LUZP2: variants seen among roughly 807,000 people sequenced by gnomAD.
The protein encoded by LUZP2 is leucine zipper protein 2.
In LUZP2, 52 loss-of-function variants were observed where a neutral mutation model predicts 51.6. The observed-to-expected ratio is 1.01, with a 90% CI of 0.81 to 1.27. The LOEUF (loss-of-function observed/expected upper bound fraction) is 1.27. LUZP2 is among the 50% of genes most tolerant of loss of function. The pLI, the probability that LUZP2 is intolerant of heterozygous loss-of-function variation, is 0.00. For synonymous variants in LUZP2, 154 were observed against 137.3 expected (o/e 1.12, Z -0.85); for missense variants, 436 against 395.4 (o/e 1.10, Z -0.87).
intron 9 of LUZP2, among the ~76,000 whole-genome samples, chr11:25,015,142 C>T (rs80304670): frequency 0.018 from 2,808 of 151,974 alleles, 91 homozygotes; most frequent in African/African-American, 0.064. Context: ...TGAGTAGTTG[C>T]GATTTATTTA....
At chr11:24,777,102 C>G (rs973890927) in intron 5 of LUZP2, among the ~76,000 whole-genome samples, 1 of 150,862 alleles carries the variant, frequency 6.6e-6, no homozygotes, top group Admixed American at 6.6e-5. Context: ...TCATGCCATT[C>G]TCCTGCCTCA....
chr11:25,045,577 C>T (rs1858281179), intron 9 of LUZP2, among the ~76,000 whole-genome samples: 1 of 152,098 alleles, frequency 6.6e-6, no homozygotes. Context: ...AATCTGGGCA[C>T]ATTTTAATAA....
At chr11:24,606,686 T>A (rs187867556) in intron 1 of LUZP2, among the ~76,000 whole-genome samples, 47 of 152,178 alleles carry the variant, frequency 3.1e-4, no homozygotes, top group African/African-American at 1.1e-3. Context: ...AGATGCCACA[T>A]CATATAATAG....
At chr11:24,858,566 G>T (rs964504827) in intron 5 of LUZP2, among the ~76,000 whole-genome samples, 4 of 152,092 alleles carry the variant, frequency 2.6e-5, no homozygotes, top group African/African-American at 9.7e-5. Context: ...CTCAGCAGGA[G>T]CATTTGGGAC....
intron 1 of LUZP2, among the ~76,000 whole-genome samples, chr11:24,578,092 G>A (rs7115380): frequency 0.58 from 87,685 of 151,842 alleles, 25,908 homozygotes; most frequent in East Asian, 0.73. Context: ...GAAAGAAAAT[G>A]GAAAAACTCA....
intron 1 of LUZP2, among the ~76,000 whole-genome samples, chr11:24,567,711 T>C (rs1852289834): frequency 6.6e-6 from 1 of 152,032 alleles, no homozygotes; most frequent in Non-Finnish European, 1.5e-5. Context: ...AATAGTACTC[T>C]CAAATAAGAA....
intron 5 of LUZP2, among the ~76,000 whole-genome samples, chr11:24,798,412 G>A (rs1233122184): frequency 1.3e-5 from 2 of 152,040 alleles, no homozygotes; most frequent in Non-Finnish European, 2.9e-5. Flanking sequence ...GCTCAGCGTG[G>A]TCTCTAATTC....
chr11:24,660,467 GA>G lies in LUZP2; in HGVS notation c.63-68695del, dbSNP rs377438637. Among the ~76,000 whole-genome samples the G allele has an allele frequency of 7.2e-4, 110 of 151,956 alleles. 3 individuals carry two copies. In the South Asian group the frequency reaches 0.015, roughly 20 times the overall value. On this transcript the variant is annotated intron_variant, in intron 1 of 11. Coordinates refer to ENST00000336930, the MANE Select transcript of LUZP2 (RefSeq NM_001009909.4). ...TGACTTGTTTCTAGCATTTTTGATG[GA>G]AAAAAATACCAACTTTAGTTATAGA...
chr11:24,814,085 A>G (rs1850100945), intron 5 of LUZP2, among the ~76,000 whole-genome samples: 1 of 152,240 alleles, frequency 6.6e-6, no homozygotes, highest in African/African-American at 2.4e-5. Context: ...TTCCAATTCA[A>G]CATTTTGTAA....
chr11:24,748,199 G>A (rs888293417), intron 4 of LUZP2, among the ~76,000 whole-genome samples: 2 of 152,094 alleles, frequency 1.3e-5, no homozygotes, highest in African/African-American at 4.8e-5. Context: ...GCTTGGGGAC[G>A]CAGTGAGCTC....
chr11:24,609,851 T>C (rs1170316846), intron 1 of LUZP2, among the ~76,000 whole-genome samples: 1 of 151,118 alleles, frequency 6.6e-6, no homozygotes, highest in African/African-American at 2.4e-5. Flanking sequence ...AAGAGCCTGC[T>C]GGAGGTCACA....
intron 9 of LUZP2, among the ~76,000 whole-genome samples, chr11:25,035,091 A>C (rs1371148725): frequency 6.6e-6 from 1 of 152,118 alleles, no homozygotes; most frequent in Non-Finnish European, 1.5e-5. Context: ...ACTGAAAATC[A>C]AAAAGCTTGA....
chr11:25,004,290 C>T (rs1319766616), intron 9 of LUZP2, among the ~76,000 whole-genome samples: 1 of 152,154 alleles, frequency 6.6e-6, no homozygotes, highest in Non-Finnish European at 1.5e-5. Context: ...TTTAAAGTGT[C>T]CTTGTAAACA....
chr11:25,026,545 T>C (rs1051540100), intron 9 of LUZP2, among the ~76,000 whole-genome samples: 2 of 152,110 alleles, frequency 1.3e-5, no homozygotes, highest in African/African-American at 4.8e-5. Context: ...ATTATTTTTT[T>C]CTAATTAATT....
rs1446719786 is a variant in LUZP2, at chr11:24,895,538, AT to A, written c.397-10449del. ...CTCACTCCCCACTCTTGTAGTCCTC[AT>A]TTTCCATTGTTGCCATCTGTATATC... On this transcript the variant is annotated intron_variant, in intron 5 of 11. Transcript: ENST00000336930. Among the ~76,000 whole-genome samples, 17 of 152,102 alleles carry A rather than the reference AT, an allele frequency of 1.1e-4. No individual in the cohort carries two copies. In the South Asian group the frequency reaches 3.3e-3, roughly 30 times the overall value.
intron 10 of LUZP2, among the ~76,000 whole-genome samples, chr11:25,076,442 C>T (rs1012442553): frequency 1.3e-5 from 2 of 151,728 alleles, no homozygotes; most frequent in Admixed American, 6.6e-5. Context: ...GATTCTTACA[C>T]TACATATGTT....
intron 5 of LUZP2, among the ~76,000 whole-genome samples, chr11:24,803,307 C>T (rs1056460456): frequency 2.4e-4 from 37 of 152,060 alleles, no homozygotes; most frequent in Admixed American, 3.9e-4. Flanking sequence ...TTATGAGATA[C>T]TACTTCATAC....
chr11:24,526,633 T>C (rs536278755), intron 1 of LUZP2, among the ~76,000 whole-genome samples: 2 of 151,520 alleles, frequency 1.3e-5, no homozygotes, highest in South Asian at 4.1e-4. Context: ...TCAGCCAGAT[T>C]ATTGTAATAT....
chr11:24,729,277 C>A lies in LUZP2; in HGVS notation c.171C>A (p.Val57=). 3 of 1,533,464 alleles carry A rather than the reference C, an allele frequency of 2.0e-6. No homozygotes were observed. The highest frequency in any genetic ancestry group is 2.3e-5 in the East Asian group (1 of 42,782). 95.0% of individuals were successfully genotyped at this position (1,533,464 alleles called of 1,614,324 possible). A position where few individuals can be genotyped will look rare whatever the true frequency, so the allele number is the denominator to read the frequency against. Residue 57 remains valine (V), a synonymous_variant, in exon 2 of 12, where the codon GTC becomes GTA. Transcript: ENST00000336930. ...KTSRELDGIK[V]NLQSLKNDEQ... ...CAAGAGAACTTGATGGAATTAAAGTCAATCTTCAGGTGAGATGAGAACTCA... is the reference window on the plus strand; with the variant it reads ...CAAGAGAACTTGATGGAATTAAAGTAAATCTTCAGGTGAGATGAGAACTCA...
Sources: gnomAD v4.1 joint callset for allele counts (sites outside exome capture counted in the v4.1 genomes callset) on GRCh38, gnomAD v4.1.1 for gene constraint, MANE v1.5 for transcripts, NCBI Gene and HGNC (gene_info 2026-07-23, HGNC 2026-07-21) for gene names.